Variants in TMPRSS11D observed in about 807,000 individuals in gnomAD.
TMPRSS11D encodes the protein transmembrane protease serine 11D.
A neutral mutation model predicts 44.4 loss-of-function variants in TMPRSS11D; 32 were observed. The ratio of observed to expected loss-of-function variants is 0.72; its 90% CI spans 0.54 to 0.97. The LOEUF is 0.97. Among genes scored for constraint, TMPRSS11D ranks in the 50% least tolerant of loss-of-function variants. The pLI, the probability that TMPRSS11D is intolerant of heterozygous loss-of-function variation, is 0.00. For missense variants in TMPRSS11D, 446 were observed against 502.6 expected (o/e 0.89, Z 1.08); for synonymous variants, 179 against 177.9 (o/e 1.01, Z -0.05).
intron 1 of TMPRSS11D, 100 bp downstream of exon 1, chr4:67,883,826 T>C (rs1246807545): frequency 4.5e-6 from 4 of 897,994 alleles, no homozygotes; most frequent in Non-Finnish European, 6.7e-6. Flanking sequence ...ACTAGAAGAT[T>C]GCTAGACACA....
intron 1 of TMPRSS11D, among the ~76,000 whole-genome samples, chr4:67,864,005 T>C (rs1433160381): frequency 6.6e-6 from 1 of 151,960 alleles, no homozygotes; most frequent in Admixed American, 6.6e-5. Context: ...GTTGTGAGAA[T>C]TAGAGCAGAT....
At chr4:67,831,753 T>C (rs931036039) in intron 7 of TMPRSS11D, among the ~76,000 whole-genome samples, 3 of 152,058 alleles carry the variant, frequency 2.0e-5, no homozygotes, top group Non-Finnish European at 2.9e-5. Flanking sequence ...TGGGATATAG[T>C]AATAAATTTG....
chr4:67,881,071 CA>C (rs1207305467), intron 1 of TMPRSS11D, among the ~76,000 whole-genome samples: 5 of 152,182 alleles, frequency 3.3e-5, no homozygotes, highest in Admixed American at 2.6e-4. Flanking sequence ...GAATACTCCC[CA>C]AAACTGTGAA....
intron 3 of TMPRSS11D, 41 bp from the exon 4 acceptor site, chr4:67,842,666 G>A (rs371520371): frequency 6.5e-7 from 1 of 1,538,898 alleles, no homozygotes; most frequent in Non-Finnish European, 8.9e-7. Flanking sequence ...TGTAAATACA[G>A]TTCTTCTTCT....
intron 1 of TMPRSS11D, among the ~76,000 whole-genome samples, chr4:67,877,117 T>C (rs1719209757): frequency 6.6e-6 from 1 of 152,222 alleles, no homozygotes. Flanking sequence ...TATTGTGCTC[T>C]GTACTTCGTT....
rs1577798382 is a variant in TMPRSS11D at position 67,821,863 on chromosome 4, A to G, written c.*474T>C. 2 of 153,112 alleles carry G rather than the reference A, an allele frequency of 1.3e-5. No homozygotes were observed. The highest frequency in any genetic ancestry group is 1.9e-4 in the East Asian group (1 of 5,202). 9.5% of individuals were successfully genotyped at this position (153,112 alleles called of 1,614,324 possible). On this transcript the variant is annotated 3_prime_UTR_variant, in exon 10 of 10. Transcript: ENST00000283916. Reference sequence around the variant, plus strand: ...TTGAGTAACCAAAAATTTTAAATACATATTATTTCTCTTGCCTCATACTGT... The same window carrying G: ...TTGAGTAACCAAAAATTTTAAATACGTATTATTTCTCTTGCCTCATACTGT...
chr4:67,875,722 G>A (rs928916774), intron 1 of TMPRSS11D, among the ~76,000 whole-genome samples: 3 of 152,290 alleles, frequency 2.0e-5, no homozygotes, highest in East Asian at 1.9e-4. Flanking sequence ...TTTGCAAAAC[G>A]GAAGTGACAG....
intron 4 of TMPRSS11D, 101 bp from the exon 5 acceptor site, chr4:67,838,430 T>C: frequency 8.5e-7 from 1 of 1,169,620 alleles, no homozygotes; most frequent in Non-Finnish European, 1.1e-6. Context: ...AGAATTCATT[T>C]GTGGAATTTA....
chr4:67,830,631 C>A (rs1270371798), intron 7 of TMPRSS11D, among the ~76,000 whole-genome samples: 1 of 151,916 alleles, frequency 6.6e-6, no homozygotes, highest in Non-Finnish European at 1.5e-5. Context: ...TTATATTCAA[C>A]TTCTTTTGCT....
chr4:67,856,297 A>G (rs1312080881), intron 2 of TMPRSS11D, among the ~76,000 whole-genome samples: 2 of 152,210 alleles, frequency 1.3e-5, no homozygotes, highest in African/African-American at 2.4e-5. Context: ...ACATAGACCA[A>G]TGAAATAGAA....
intron 5 of TMPRSS11D, among the ~76,000 whole-genome samples, chr4:67,836,079 A>C (rs1718080038): frequency 6.6e-6 from 1 of 152,110 alleles, no homozygotes; most frequent in Admixed American, 6.6e-5. Context: ...CCAAAATCTG[A>C]AATTTTCTCA....
chr4:67,825,655 C>A (rs1406444152), intron 9 of TMPRSS11D, 77 bp downstream of exon 9: 1 of 1,489,888 alleles, frequency 6.7e-7, no homozygotes, highest in Non-Finnish European at 9.1e-7. Context: ...ACACTTATGT[C>A]TATCACATTA....
chr4:67,830,521 C>T (rs1717920878), intron 7 of TMPRSS11D, among the ~76,000 whole-genome samples: 1 of 151,624 alleles, frequency 6.6e-6, no homozygotes, highest in Admixed American at 6.6e-5. Flanking sequence ...ATTCTATGAC[C>T]GGAAATACTT....
intron 2 of TMPRSS11D, 78 bp from the exon 3 acceptor site, chr4:67,854,264 G>T (rs1241047101): frequency 2.8e-6 from 2 of 720,226 alleles, no homozygotes; most frequent in Middle Eastern, 3.1e-4. Context: ...GATTATGGGA[G>T]GTTATATTAT....
intron 1 of TMPRSS11D, among the ~76,000 whole-genome samples, chr4:67,868,468 G>T (rs76014890): frequency 6.6e-6 from 1 of 152,196 alleles, no homozygotes; most frequent in Non-Finnish European, 1.5e-5. Context: ...TCGGAGGAGG[G>T]AGGAGGAAAT....
At chr4:67,838,072 CAA>C in intron 5 of TMPRSS11D, 98 bp downstream of exon 5, 1 of 1,052,308 alleles carries the variant, frequency 9.5e-7, no homozygotes, top group Non-Finnish European at 1.3e-6. Flanking sequence ...AGTTTAGTTT[CAA>C]AGAAAGAAAA....
intron 2 of TMPRSS11D, among the ~76,000 whole-genome samples, chr4:67,858,252 G>T (rs1718704283): frequency 6.6e-6 from 1 of 152,158 alleles, no homozygotes; most frequent in South Asian, 2.1e-4. Flanking sequence ...GTGGTTGTTT[G>T]TAGTGGAAGA....
intron 5 of TMPRSS11D, among the ~76,000 whole-genome samples, chr4:67,837,837 T>C (rs1718134224): frequency 6.6e-6 from 1 of 152,130 alleles, no homozygotes; most frequent in Non-Finnish European, 1.5e-5. Flanking sequence ...GGATCATTAA[T>C]TAAATAGTTC....
At chr4:67,836,302 A>T (rs1051278421) in intron 5 of TMPRSS11D, among the ~76,000 whole-genome samples, 13 of 152,198 alleles carry the variant, frequency 8.5e-5, no homozygotes, top group South Asian at 4.1e-4. Context: ...TGATCTTTTT[A>T]AAAAAATGTT....
Sources: gnomAD v4.1 joint callset for allele counts (sites outside exome capture counted in the v4.1 genomes callset) on GRCh38, gnomAD v4.1.1 for gene constraint, MANE v1.5 for transcripts, NCBI Gene and HGNC (gene_info 2026-07-23, HGNC 2026-07-21) for gene names.